The following SLC35A3 variants were observed in gnomAD, a reference collection of about 807,000 sequenced individuals.
The protein encoded by SLC35A3 is UDP-N-acetylglucosamine transporter.
Under a neutral mutation model 39.0 loss-of-function variants are expected in SLC35A3, and 26 were observed. The observed-to-expected ratio is 0.67, with a 90% CI of 0.49 to 0.92. The LOEUF is 0.92. Ranked by LOEUF, SLC35A3 falls within the 40% of genes least tolerant of loss-of-function variation. SLC35A3 has a pLI of 0.00. For missense variants in SLC35A3, 299 were observed against 371.6 expected (o/e 0.80, Z 1.61); for synonymous variants, 135 against 133.1 (o/e 1.01, Z -0.10).
intron 1 of SLC35A3, 111 bp downstream of exon 1, chr1:99,970,273 T>G: frequency 3.0e-6 from 1 of 333,750 alleles, no homozygotes; most frequent in Non-Finnish European, 5.5e-6. Context: ...AGGGGGCTGA[T>G]GTGAAGTCTG....
intron 1 of SLC35A3, among the ~76,000 whole-genome samples, chr1:99,980,090 T>TTA (rs1180124359): frequency 5.9e-5 from 9 of 151,898 alleles, no homozygotes; most frequent in Non-Finnish European, 8.8e-5. Context: ...ATTGAAGTGT[T>TTA]TATATATATA....
chr1:99,997,426 ATAT>A (rs1255149214), intron 2 of SLC35A3, among the ~76,000 whole-genome samples: 1 of 37,748 alleles, frequency 2.6e-5, no homozygotes, highest in African/African-American at 6.3e-5. Flanking sequence ...ATATATATAT[ATAT>A]ATATATATAT....
chr1:100,000,098 T>C (rs558974854), intron 3 of SLC35A3, among the ~76,000 whole-genome samples: 1 of 152,286 alleles, frequency 6.6e-6, no homozygotes, highest in East Asian at 1.9e-4. Flanking sequence ...AAATACCCAG[T>C]AGTGGGATTG....
Position 99,999,349 on chromosome 1 carries a change from G to T in SLC35A3, c.276G>T (p.Gly92=). ...METLKLAIPS[G]IYTLQNNLLY... is the part of the protein sequence containing the mutation. ...CACTTAAACTTGCTATTCCATCAGG[G>T]ATCTATACTCTTCAGAATAATTTAC... Residue 92 remains glycine (G), a synonymous_variant, in exon 3 of 8, where the codon GGG becomes GGT. Transcript: ENST00000533028. 6.3e-7 allele frequency: 1 copy of T among 1,599,610 alleles called. No individual in the cohort carries two copies. Among genetic ancestry groups the T allele is most frequent in the Non-Finnish European group, 8.5e-7 (1 of 1,172,094 alleles).
intron 1 of SLC35A3, among the ~76,000 whole-genome samples, chr1:99,976,596 A>G (rs1022638825): frequency 3.3e-5 from 5 of 152,222 alleles, no homozygotes; most frequent in African/African-American, 9.6e-5. Flanking sequence ...ACATAAAACT[A>G]TGATACATAT....
chr1:99,971,467 C>T (rs978069648), intron 1 of SLC35A3, among the ~76,000 whole-genome samples: 6 of 152,018 alleles, frequency 3.9e-5, no homozygotes, highest in Non-Finnish European at 5.9e-5. Flanking sequence ...CCGCCACGCC[C>T]GGCTAATTTT....
intron 7 of SLC35A3, among the ~76,000 whole-genome samples, chr1:100,022,053 G>A (rs760899893): frequency 6.6e-6 from 1 of 152,222 alleles, no homozygotes; most frequent in African/African-American, 2.4e-5. Context: ...GTCGATGAGA[G>A]TGCAGGCTGT....
At position 100,027,843 on chromosome 1, in the gene SLC35A3, G is replaced by A. The variant is rs1420654130; in HGVS notation, c.*5367G>A. The A allele has an allele frequency of 2.0e-5, 3 of 147,794 alleles. No homozygotes were observed. Among genetic ancestry groups the A allele is most frequent in the African/African-American group, 7.5e-5 (3 of 40,226 alleles). The allele number at this position is 147,794 out of a possible 1,614,324, so 9.2% of individuals were successfully genotyped here. A position where few individuals can be genotyped will look rare whatever the true frequency, so the allele number is the denominator to read the frequency against. ...CTAAAAATATTTAATAATCTTTTTT[G>A]TATTACAGTGCTTCTTTTGTTGGAA... is the stretch of plus-strand genomic sequence containing the variant. On this transcript the variant is annotated 3_prime_UTR_variant, in exon 8 of 8. Transcript: ENST00000533028.
In SLC35A3 at chr1:99,972,280, A is replaced by G. The variant is rs142388460; in HGVS notation, c.-19+2118A>G. On this transcript the variant is annotated intron_variant, in intron 1 of 7. Coordinates refer to ENST00000533028, the MANE Select transcript of SLC35A3 (RefSeq NM_012243.3). ...ATTTGCATTGTAATTTGAGAGTTCTATTATCCCTACTGTAATGTAAGCTTC... is the reference window on the plus strand; with the variant it reads ...ATTTGCATTGTAATTTGAGAGTTCTGTTATCCCTACTGTAATGTAAGCTTC... Among the ~76,000 whole-genome samples the G allele has an allele frequency of 5.7e-4, 85 of 149,536 alleles. 2 individuals carry two copies. The East Asian group carries it at 0.016, about 28-fold the overall frequency.
chr1:99,993,442 C>CAG, intron 1 of SLC35A3, 95 bp from the exon 2 acceptor site: 3 of 949,470 alleles, frequency 3.2e-6, no homozygotes, highest in Non-Finnish European at 4.6e-6. Flanking sequence ...GAGAGACCTG[C>CAG]AGGCCCTCTC....
At chr1:100,000,164 C>T (rs1425015899) in intron 3 of SLC35A3, among the ~76,000 whole-genome samples, 2 of 152,208 alleles carry the variant, frequency 1.3e-5, no homozygotes, top group African/African-American at 4.8e-5. Flanking sequence ...GTACTGTTTT[C>T]CATAGAGGCT....
At chr1:100,006,626 G>A (rs1460809824) in intron 3 of SLC35A3, among the ~76,000 whole-genome samples, 2 of 152,134 alleles carry the variant, frequency 1.3e-5, no homozygotes, top group African/African-American at 2.4e-5. Flanking sequence ...AGTCCCTGGA[G>A]GCCTGTGCAA....
chr1:100,003,440 G>C (rs1452427097), intron 3 of SLC35A3, among the ~76,000 whole-genome samples: 1 of 134,810 alleles, frequency 7.4e-6, no homozygotes, highest in Non-Finnish European at 1.6e-5. Flanking sequence ...AAAAAAAAAA[G>C]AGAAGAGGAA....
chr1:100,028,148 A>G lies in SLC35A3; in HGVS notation c.*5672A>G, dbSNP rs1172115520. The G allele has an allele frequency of 6.6e-6, 1 of 152,126 alleles. No individual in the cohort carries two copies. 9.4% of individuals were successfully genotyped at this position (152,126 alleles called of 1,614,324 possible). On this transcript the variant is annotated 3_prime_UTR_variant, in exon 8 of 8. Coordinates refer to ENST00000533028, the MANE Select transcript of SLC35A3 (RefSeq NM_012243.3). ...GAGACAGGGTTTCACCATGTTGGCC[A>G]GGCTGGTCTCAAACTCCTGACCTCA...
intron 7 of SLC35A3, among the ~76,000 whole-genome samples, chr1:100,020,898 T>C (rs1457248631): frequency 6.6e-6 from 1 of 152,136 alleles, no homozygotes; most frequent in Non-Finnish European, 1.5e-5. Flanking sequence ...GGCTGAATTA[T>C]AGATTGGGTG....
At chr1:100,006,018 A>G (rs1339041180) in intron 3 of SLC35A3, among the ~76,000 whole-genome samples, 2 of 152,204 alleles carry the variant, frequency 1.3e-5, no homozygotes. Context: ...TCTCACAGAT[A>G]TATGCATAAT....
At chr1:99,970,562 C>T in intron 1 of SLC35A3, 1 of 1,536,050 alleles carries the variant, frequency 6.5e-7, no homozygotes. Flanking sequence ...GTGTTGAGCC[C>T]TGTGGTAGGC....
At position 100,022,531 on chromosome 1, in the gene SLC35A3, T is replaced by C; in HGVS notation, c.*55T>C. On this transcript the variant is annotated 3_prime_UTR_variant, in exon 8 of 8. Transcript: ENST00000533028. Reference sequence around the variant, plus strand: ...GATGGGGCACTAGGAATCTCGACATTAATCTTGCACAGAGGACTTCTACAG... The same window carrying C: ...GATGGGGCACTAGGAATCTCGACATCAATCTTGCACAGAGGACTTCTACAG... 1.1e-6 allele frequency: 1 copy of C among 910,414 alleles called. No individual in the cohort carries two copies. Among genetic ancestry groups the C allele is most frequent in the South Asian group, 1.5e-5 (1 of 68,934 alleles). The allele number at this position is 910,414 out of a possible 1,614,324, so 56.4% of individuals were successfully genotyped here. A position where few individuals can be genotyped will look rare whatever the true frequency, so the allele number is the denominator to read the frequency against.
intron 7 of SLC35A3, among the ~76,000 whole-genome samples, chr1:100,018,255 A>G (rs951603960): frequency 3.3e-5 from 5 of 152,226 alleles, no homozygotes; most frequent in Non-Finnish European, 7.3e-5. Context: ...GAGGAGTTAT[A>G]GGTGAGGAAG....
Sources: allele counts gnomAD v4.1 joint callset (sites outside exome capture counted in the v4.1 genomes callset), GRCh38; gene constraint gnomAD v4.1.1; transcripts MANE v1.5; gene names NCBI Gene and HGNC (gene_info 2026-07-23, HGNC 2026-07-21).